Variants in CFAP54 observed in about 807,000 individuals in gnomAD.
CFAP54 encodes the protein cilia and flagella associated protein 54.
In CFAP54, 290 loss-of-function variants were observed where a neutral mutation model predicts 370.4. That is an observed-to-expected ratio of 0.78 (90% CI 0.71 to 0.86). The LOEUF is 0.86. CFAP54 is among the 40% of genes least tolerant of loss of function. The pLI is 0.00. For synonymous variants in CFAP54, 1,206 were observed against 1,236.5 expected (o/e 0.98, Z 0.52); for missense variants, 3,399 against 3,528.7 (o/e 0.96, Z 0.93).
At position 96,765,161 on chromosome 12, in the gene CFAP54, A is replaced by C. The variant is rs555762696; in HGVS notation, c.8224A>C (p.Asn2742His). ...MHKVNQVALP[N>H]IPEFAALDLL... ...TAAAGTTAACCAAGTGGCATTACCA[A>C]ATATCCCAGAATTTGCTGCTCTGGA... Residue 2742 changes from asparagine to histidine, a missense_variant, in exon 60 of 68, where the codon AAT becomes CAT. Physicochemically the swap from Asn to His is moderately conservative, Grantham distance 68. Around this residue, in one of 3 missense-constraint regions of CFAP54, gnomAD observed 2,796 missense variants for 2,869.7 expected, o/e 0.97. Transcript: ENST00000524981. 4.3e-5 allele frequency: 67 copies of C among 1,541,712 alleles called. No individual in the cohort carries two copies. Among genetic ancestry groups the C allele is most frequent in the Non-Finnish European group, 5.4e-5 (61 of 1,130,990 alleles).
intron 38 of CFAP54, among the ~76,000 whole-genome samples, chr12:96,659,221 C>T (rs1956961744): frequency 6.6e-6 from 1 of 152,146 alleles, no homozygotes; most frequent in Non-Finnish European, 1.5e-5. Context: ...GATCTCAACA[C>T]CTCCTGGGTT....
chr12:96,838,853 T>C (rs923844230), intron 66 of CFAP54, among the ~76,000 whole-genome samples: 1 of 152,208 alleles, frequency 6.6e-6, no homozygotes, highest in African/African-American at 2.4e-5. Flanking sequence ...TGGATGATTG[T>C]TTTGCACAAA....
At chr12:96,826,165 C>A (rs1476990323) in intron 65 of CFAP54, among the ~76,000 whole-genome samples, 11 of 145,498 alleles carry the variant, frequency 7.6e-5, no homozygotes, top group Non-Finnish European at 1.4e-4. Flanking sequence ...GCAAACAACA[C>A]CTGAACTCAA....
At chr12:96,568,608 TG>T (rs1955884569) in intron 19 of CFAP54, among the ~76,000 whole-genome samples, 1 of 152,216 alleles carries the variant, frequency 6.6e-6, no homozygotes, top group Admixed American at 6.5e-5. Context: ...CATTCTCAAC[TG>T]GGGTACGTAA....
rs1346211829 is a variant in CFAP54, at chr12:96,875,394, T to G, written c.*291T>G. Reference sequence around the variant, plus strand: ...GCTCCCAGTAGGGCAGTTTAACTCCTATCTTCTCTGTGAGTTCCAGGTCTG... The same window carrying G: ...GCTCCCAGTAGGGCAGTTTAACTCCGATCTTCTCTGTGAGTTCCAGGTCTG... On this transcript the variant is annotated 3_prime_UTR_variant, in exon 68 of 68. Coordinates refer to ENST00000524981, the MANE Select transcript of CFAP54 (RefSeq NM_001306084.2). The G allele has an allele frequency of 6.6e-6, 1 of 152,240 alleles. No individual in the cohort carries two copies. The highest frequency in any genetic ancestry group is 1.5e-5 in the Non-Finnish European group (1 of 68,046). 9.4% of individuals were successfully genotyped at this position (152,240 alleles called of 1,614,324 possible).
At chr12:96,671,325 T>G (rs1027281546) in intron 39 of CFAP54, among the ~76,000 whole-genome samples, 2 of 152,218 alleles carry the variant, frequency 1.3e-5, no homozygotes, top group African/African-American at 4.8e-5. Flanking sequence ...TTCCCTTTAC[T>G]CTGCCATATG....
chr12:96,615,255 G>C (rs1275225004), intron 26 of CFAP54, among the ~76,000 whole-genome samples: 7 of 152,114 alleles, frequency 4.6e-5, no homozygotes, highest in Admixed American at 1.3e-4. Flanking sequence ...AAAACAAAAA[G>C]TGGGGAAAGG....
Position 96,489,644 on chromosome 12 carries a change from C to G in CFAP54, c.35C>G (p.Ser12Ter), listed in dbSNP as rs1453799225. 6.5e-7 allele frequency: 1 copy of G among 1,530,340 alleles called. No individual in the cohort carries two copies. Among genetic ancestry groups the G allele is most frequent in the Non-Finnish European group, 8.8e-7 (1 of 1,142,210 alleles). The allele number at this position is 1,530,340 out of a possible 1,614,324, so 94.8% of individuals were successfully genotyped here. ...AAQGSPSSSP[S>*]DDSTTSGSLP... ...CAGGGCTCCCCCTCGAGCTCTCCGT[C>G]AGACGACTCTACCACCTCGGGGTCT... The change falls in exon 1 of 68, where the codon TCA (serine) becomes TGA (stop). Residue 12 changes from serine (S) to a stop codon, truncating the protein, a stop_gained. Coordinates refer to ENST00000524981, the MANE Select transcript of CFAP54 (RefSeq NM_001306084.2). LOFTEE classifies it high-confidence loss of function.
intron 26 of CFAP54, among the ~76,000 whole-genome samples, chr12:96,604,920 C>T (rs1466212764): frequency 6.6e-6 from 1 of 152,214 alleles, no homozygotes; most frequent in African/African-American, 2.4e-5. Context: ...ATCCCCCAAA[C>T]CCTTGTGCTT....
chr12:96,630,396 A>G (rs542218814), intron 31 of CFAP54, among the ~76,000 whole-genome samples, 155 bp from the exon 32 acceptor site: 1 of 152,140 alleles, frequency 6.6e-6, no homozygotes, highest in South Asian at 2.1e-4. Context: ...TTTTTTGTCT[A>G]CAGGGGTACT....
chr12:96,816,076 T>C (rs950536754), intron 64 of CFAP54, among the ~76,000 whole-genome samples: 4 of 152,060 alleles, frequency 2.6e-5, no homozygotes, highest in Admixed American at 6.6e-5. Context: ...AAATTTAAAG[T>C]AGTTTTTTTC....
At chr12:96,664,049 A>C (rs1265794089) in intron 39 of CFAP54, 117 bp downstream of exon 39, 8 of 774,576 alleles carry the variant, frequency 1.0e-5, no homozygotes, top group Non-Finnish European at 1.7e-5. Context: ...TTGCAGGTTT[A>C]GTTGACTAAA....
intron 56 of CFAP54, among the ~76,000 whole-genome samples, chr12:96,755,840 G>A (rs1051632633): frequency 6.6e-6 from 1 of 151,726 alleles, no homozygotes; most frequent in Non-Finnish European, 1.5e-5. Context: ...GCTAATTTTT[G>A]TATTTTTAGT....
intron 65 of CFAP54, among the ~76,000 whole-genome samples, chr12:96,825,980 T>C (rs1319498418): frequency 6.3e-5 from 9 of 142,994 alleles, no homozygotes; most frequent in Non-Finnish European, 1.5e-5. Flanking sequence ...AATATATTAA[T>C]GTATAAATTA....
chr12:96,732,943 T>C (rs1449187018), intron 50 of CFAP54, among the ~76,000 whole-genome samples: 1 of 152,180 alleles, frequency 6.6e-6, no homozygotes, highest in African/African-American at 2.4e-5. Flanking sequence ...TCCCCAGCTC[T>C]CTGTGTATCC....
intron 15 of CFAP54, among the ~76,000 whole-genome samples, chr12:96,550,694 G>A (rs181099200): frequency 0.012 from 1,890 of 152,304 alleles, 25 homozygotes; most frequent in Non-Finnish European, 0.018. Flanking sequence ...GGACAGATTT[G>A]AACAAATATC....
intron 66 of CFAP54, among the ~76,000 whole-genome samples, chr12:96,841,414 T>C (rs1218715220): frequency 3.3e-5 from 5 of 152,236 alleles, no homozygotes; most frequent in Admixed American, 2.0e-4. Flanking sequence ...GTTAGAAAAC[T>C]AGACCTTTAG....
At chr12:96,550,100 T>G (rs1400690529) in intron 15 of CFAP54, among the ~76,000 whole-genome samples, 1 of 152,224 alleles carries the variant, frequency 6.6e-6, no homozygotes, top group Non-Finnish European at 1.5e-5. Context: ...CACCTTATAC[T>G]GGGCTATGGC....
intron 63 of CFAP54, among the ~76,000 whole-genome samples, chr12:96,799,720 T>A (rs185739121): frequency 7.8e-4 from 119 of 152,352 alleles, no homozygotes; most frequent in African/African-American, 2.8e-3. Flanking sequence ...TGCCAGATAT[T>A]CCATATACAT....
Sources: allele counts gnomAD v4.1 joint callset (sites outside exome capture counted in the v4.1 genomes callset), GRCh38; gene constraint gnomAD v4.1.1; regional missense constraint gnomAD v4.1.1; transcripts MANE v1.5; gene names NCBI Gene and HGNC (gene_info 2026-07-23, HGNC 2026-07-21).